Variants in MACROD2 observed in about 807,000 individuals in gnomAD.
MACROD2 encodes the protein ADP-ribose glycohydrolase MACROD2.
A neutral mutation model predicts 70.4 loss-of-function variants in MACROD2; 36 were observed. The ratio of observed to expected loss-of-function variants is 0.51; its 90% CI spans 0.39 to 0.68. The LOEUF is 0.68. Ranked by LOEUF, MACROD2 falls within the 30% of genes least tolerant of loss-of-function variation. The pLI is 0.00. For missense variants in MACROD2, 496 were observed against 538.4 expected, an observed-to-expected ratio of 0.92 and a Z score of 0.78; for synonymous variants, 172 against 178.8, an observed-to-expected ratio of 0.96 and a Z score of 0.30.
intron 4 of MACROD2, among the ~76,000 whole-genome samples, chr20:14,510,611 T>A (rs1019487228): frequency 6.6e-6 from 1 of 152,050 alleles, no homozygotes; most frequent in Non-Finnish European, 1.5e-5. Flanking sequence ...TCAGGAGAAC[T>A]CATAATTGGA....
At chr20:14,392,021 G>A (rs369439754) in intron 3 of MACROD2, among the ~76,000 whole-genome samples, 6 of 151,506 alleles carry the variant, frequency 4.0e-5, no homozygotes, top group African/African-American at 9.7e-5. Flanking sequence ...TTAGGAATGC[G>A]ACTTCTTTTT....
intron 3 of MACROD2, among the ~76,000 whole-genome samples, chr20:14,149,365 T>C (rs2054985790): frequency 6.6e-6 from 1 of 152,188 alleles, no homozygotes; most frequent in Non-Finnish European, 1.5e-5. Flanking sequence ...TATTCCATGG[T>C]ATATATGTAC....
At chr20:14,064,778 T>C (rs1241571199) in intron 2 of MACROD2, among the ~76,000 whole-genome samples, 1 of 152,160 alleles carries the variant, frequency 6.6e-6, no homozygotes, top group Non-Finnish European at 1.5e-5. Context: ...TAGTTTTAAA[T>C]TGCATGATAT....
chr20:15,031,892 C>T (rs1420848803), intron 5 of MACROD2, among the ~76,000 whole-genome samples: 1 of 152,118 alleles, frequency 6.6e-6, no homozygotes, highest in Non-Finnish European at 1.5e-5. Context: ...TCCCCAGGAC[C>T]CTTTCTGCCT....
chr20:15,745,324 G>T (rs898510107), intron 8 of MACROD2, among the ~76,000 whole-genome samples: 14 of 152,228 alleles, frequency 9.2e-5, no homozygotes, highest in Middle Eastern at 3.4e-3. Flanking sequence ...TGGCAACCTG[G>T]TGGTCCTGTA....
intron 5 of MACROD2, among the ~76,000 whole-genome samples, chr20:15,169,680 C>T (rs2076409716): frequency 6.6e-6 from 1 of 152,168 alleles, no homozygotes; most frequent in African/African-American, 2.4e-5. Flanking sequence ...AGTCATATGT[C>T]CTGTTCCAGT....
At chr20:15,344,570 T>C (rs983779429) in intron 6 of MACROD2, among the ~76,000 whole-genome samples, 5 of 152,306 alleles carry the variant, frequency 3.3e-5, no homozygotes, top group East Asian at 1.9e-4. Context: ...AACAATTATT[T>C]TTTTTTATGT....
intron 5 of MACROD2, among the ~76,000 whole-genome samples, chr20:14,886,298 C>T (rs950261217): frequency 1.3e-5 from 2 of 152,012 alleles, no homozygotes; most frequent in African/African-American, 2.4e-5. Flanking sequence ...GTGTTTAAGG[C>T]GTGGAAGGGC....
chr20:16,031,505 T>C (rs1486669992), intron 15 of MACROD2, among the ~76,000 whole-genome samples: 1 of 152,144 alleles, frequency 6.6e-6, no homozygotes, highest in African/African-American at 2.4e-5. Flanking sequence ...ACAAAATCTT[T>C]CCAAAATATA....
At chr20:15,228,488 T>C (rs979442771) in intron 5 of MACROD2, among the ~76,000 whole-genome samples, 1 of 43,682 alleles carries the variant, frequency 2.3e-5, no homozygotes, top group Non-Finnish European at 5.7e-5. Flanking sequence ...TCCTTCTTTC[T>C]TTTTTTTTTT....
rs2063605667 is a variant in MACROD2, at chr20:15,789,478, G to A, written c.646-73267G>A. Among the ~76,000 whole-genome samples the A allele has an allele frequency of 3.3e-5, 5 of 152,046 alleles. No homozygotes were observed. The South Asian group carries it at 1.0e-3, about 31-fold the overall frequency. On this transcript the variant is annotated intron_variant, in intron 8 of 17. Transcript: ENST00000684519. Reference sequence around the variant, plus strand: ...AGCAAAAACACAAAGGGAAGGATTTGTCACCATTTAAATAATTCAAAGAAT... The same window carrying A: ...AGCAAAAACACAAAGGGAAGGATTTATCACCATTTAAATAATTCAAAGAAT...
chr20:16,022,839 C>T (rs553838403), intron 15 of MACROD2, among the ~76,000 whole-genome samples: 5 of 152,160 alleles, frequency 3.3e-5, no homozygotes, highest in African/African-American at 4.8e-5. Context: ...AGCACAAATG[C>T]ATGTATGTGC....
intron 5 of MACROD2, among the ~76,000 whole-genome samples, chr20:15,033,630 ATAATT>A (rs1227759935): frequency 6.6e-6 from 1 of 152,256 alleles, no homozygotes; most frequent in African/African-American, 2.4e-5. Context: ...TTCTAATAAA[ATAATT>A]TAAGCTAAGC....
At chr20:14,249,367 G>A (rs1023457757) in intron 3 of MACROD2, among the ~76,000 whole-genome samples, 2 of 151,916 alleles carry the variant, frequency 1.3e-5, no homozygotes, top group Non-Finnish European at 2.9e-5. Flanking sequence ...GGCAAGAATA[G>A]TAGCATGAAT....
chr20:15,937,137 T>G (rs1054383971), intron 11 of MACROD2, among the ~76,000 whole-genome samples: 1 of 152,166 alleles, frequency 6.6e-6, no homozygotes, highest in Non-Finnish European at 1.5e-5. Context: ...AGGATATACT[T>G]TCTTTCACAA....
chr20:16,016,654 G>A (rs970357679), intron 15 of MACROD2, among the ~76,000 whole-genome samples: 2 of 152,172 alleles, frequency 1.3e-5, no homozygotes, highest in African/African-American at 4.8e-5. Flanking sequence ...TCCTGCCTCA[G>A]CCTCCCGAGT....
chr20:14,795,021 A>G (rs2072494579), intron 5 of MACROD2, among the ~76,000 whole-genome samples: 1 of 152,060 alleles, frequency 6.6e-6, no homozygotes, highest in South Asian at 2.1e-4. Flanking sequence ...AATAGGAAAG[A>G]CACCATTCCT....
intron 8 of MACROD2, among the ~76,000 whole-genome samples, chr20:15,576,923 G>T (rs775753559): frequency 1.3e-5 from 2 of 152,088 alleles, no homozygotes; most frequent in Non-Finnish European, 2.9e-5. Context: ...ATTGTTTTAT[G>T]CATAACGGCA....
chr20:15,764,396 A>T (rs2051488607), intron 8 of MACROD2, among the ~76,000 whole-genome samples: 1 of 152,160 alleles, frequency 6.6e-6, no homozygotes, highest in Admixed American at 6.5e-5. Flanking sequence ...TTCTACAGGG[A>T]TGTCTAATAG....
Sources: allele counts gnomAD v4.1 joint callset (sites outside exome capture counted in the v4.1 genomes callset), GRCh38; gene constraint gnomAD v4.1.1; transcripts MANE v1.5; gene names NCBI Gene and HGNC (gene_info 2026-07-23, HGNC 2026-07-21).